RIMS2: variants seen among roughly 807,000 people sequenced by gnomAD.
RIMS2 encodes regulating synaptic membrane exocytosis 2.
RIMS2 carries 59 observed loss-of-function variants against 174.4 expected under a neutral mutation model. The observed-to-expected ratio is 0.34, with a 90% CI of 0.27 to 0.42. The LOEUF (loss-of-function observed/expected upper bound fraction) is 0.42, where lower values mean the gene tolerates loss of function less well. Ranked by LOEUF, RIMS2 falls within the 10% of genes least tolerant of loss-of-function variation. The pLI, the probability that RIMS2 is intolerant of heterozygous loss-of-function variation, is 1.00. For synonymous variants in RIMS2, 606 were observed against 572.5 expected (o/e 1.06, Z -0.84); for missense variants, 1,620 against 1,666.3 (o/e 0.97, Z 0.48).
chr8:104,215,266 T>C (rs1174394321), intron 19 of RIMS2, among the ~76,000 whole-genome samples: 2 of 152,200 alleles, frequency 1.3e-5, no homozygotes, highest in Non-Finnish European at 1.5e-5. Context: ...GAAGTCTTTA[T>C]TGCCATAAAT....
intron 4 of RIMS2, among the ~76,000 whole-genome samples, chr8:103,890,708 T>G (rs762187776): frequency 1.3e-5 from 2 of 152,046 alleles, no homozygotes; most frequent in Non-Finnish European, 2.9e-5. Flanking sequence ...TTTTTGCCTT[T>G]GGGCTATAGA....
intron 3 of RIMS2, among the ~76,000 whole-genome samples, chr8:103,873,915 C>A (rs2099123846): frequency 6.6e-6 from 1 of 151,902 alleles, no homozygotes; most frequent in African/African-American, 2.4e-5. Context: ...TCTATGTCAA[C>A]AAAGAAAAGT....
chr8:104,062,010 A>G (rs77198809), intron 19 of RIMS2, among the ~76,000 whole-genome samples: 1,757 of 152,318 alleles, frequency 0.012, 23 homozygotes, highest in Non-Finnish European at 0.02. Context: ...AAATGATCAA[A>G]AATATGATCA....
At chr8:104,241,671 CT>C in intron 19 of RIMS2, among the ~76,000 whole-genome samples, 1 of 152,164 alleles carries the variant, frequency 6.6e-6, no homozygotes, top group East Asian at 1.9e-4. Flanking sequence ...CACAAGAGCG[CT>C]GTTCACAGGA....
chr8:104,145,817 C>T (rs899788798), intron 19 of RIMS2, among the ~76,000 whole-genome samples: 10 of 151,614 alleles, frequency 6.6e-5, no homozygotes, highest in African/African-American at 2.4e-4. Flanking sequence ...AGCTAGATCG[C>T]GCCATTGCAC....
At chr8:103,685,510 T>C (rs1357360854) in intron 1 of RIMS2, among the ~76,000 whole-genome samples, 3 of 152,178 alleles carry the variant, frequency 2.0e-5, no homozygotes, top group Admixed American at 2.0e-4. Flanking sequence ...CATTTCAATA[T>C]GAGATTTAGA....
At chr8:103,961,935 C>T (rs2090247378) in intron 15 of RIMS2, among the ~76,000 whole-genome samples, 1 of 151,936 alleles carries the variant, frequency 6.6e-6, no homozygotes. Flanking sequence ...TTTCTTTGTA[C>T]TAAGGGTGAA....
intron 19 of RIMS2, among the ~76,000 whole-genome samples, chr8:104,206,602 A>G (rs117029353): frequency 0.019 from 2,926 of 152,338 alleles, 39 homozygotes; most frequent in Middle Eastern, 0.031. Context: ...AATTCTCACA[A>G]CAACCTATTG....
chr8:103,607,107 T>C (rs1221895864), intron 1 of RIMS2, among the ~76,000 whole-genome samples: 1 of 152,184 alleles, frequency 6.6e-6, no homozygotes, highest in African/African-American at 2.4e-5. Context: ...CGATGGTCTT[T>C]ACATTTTGGC....
chr8:103,887,585 G>T (rs576667755), intron 4 of RIMS2, among the ~76,000 whole-genome samples: 2 of 151,518 alleles, frequency 1.3e-5, no homozygotes, highest in Middle Eastern at 3.4e-3. Context: ...CCAGATGGAT[G>T]AGTATCATAC....
rs186272757 is a variant in RIMS2 at position 104,055,750 on chromosome 8, G to A, written c.3334+41135G>A. Among the ~76,000 whole-genome samples, 220 of 152,210 alleles carry A rather than the reference G, an allele frequency of 1.4e-3. 1 individual carries two copies. The highest frequency in any genetic ancestry group is 4.8e-3 in the African/African-American group (198 of 41,554). ...TATATAGTGAAGCATTTGCACTTTAGCCTAAAAGATCCTTCTACATAAGAG... is the reference window on the plus strand; with the variant it reads ...TATATAGTGAAGCATTTGCACTTTAACCTAAAAGATCCTTCTACATAAGAG... On this transcript the variant is annotated intron_variant, in intron 19 of 23. Coordinates refer to ENST00000504942, the Ensembl canonical transcript of RIMS2.
chr8:104,249,704 C>T, intron 22 of RIMS2, 116 bp downstream of exon 28: 4 of 629,802 alleles, frequency 6.4e-6, no homozygotes, highest in Non-Finnish European at 1.1e-5. Flanking sequence ...AATGGATGGT[C>T]CATTATGACT....
At chr8:103,793,514 C>A (rs1254640506) in intron 3 of RIMS2, among the ~76,000 whole-genome samples, 1 of 152,144 alleles carries the variant, frequency 6.6e-6, no homozygotes, top group Non-Finnish European at 1.5e-5. Flanking sequence ...CCTTTGAAAA[C>A]TGGCACAAGA....
chr8:103,712,528 G>C (rs976479679), intron 2 of RIMS2, among the ~76,000 whole-genome samples: 1 of 152,128 alleles, frequency 6.6e-6, no homozygotes, highest in African/African-American at 2.4e-5. Context: ...GTGCTCATCA[G>C]TAGTTAAGCT....
In RIMS2 at chr8:103,698,541, T is replaced by G. The variant is rs182917420; in HGVS notation, c.387+1245T>G. Among the ~76,000 whole-genome samples, 105 of 152,326 alleles carry G rather than the reference T, an allele frequency of 6.9e-4. 1 individual carries two copies. Among genetic ancestry groups the G allele is most frequent in the Non-Finnish European group, 1.1e-3 (74 of 68,030 alleles). Reference sequence around the variant, plus strand: ...TTGTTTTTTAATGTGGTGAAATACATTGGTTGATTTTTATATGTTAAATCA... The same window carrying G: ...TTGTTTTTTAATGTGGTGAAATACAGTGGTTGATTTTTATATGTTAAATCA... On this transcript the variant is annotated intron_variant, in intron 2 of 23. Coordinates refer to ENST00000504942, the Ensembl canonical transcript of RIMS2.
At chr8:103,962,681 T>C (rs1274630614) in intron 15 of RIMS2, among the ~76,000 whole-genome samples, 1 of 152,126 alleles carries the variant, frequency 6.6e-6, no homozygotes, top group East Asian at 1.9e-4. Context: ...TGGAGTGCAG[T>C]AGTGCAATCA....
intron 2 of RIMS2, among the ~76,000 whole-genome samples, chr8:103,706,665 T>C (rs866354264): frequency 6.6e-6 from 1 of 152,108 alleles, no homozygotes; most frequent in African/African-American, 2.4e-5. Flanking sequence ...GCCAGGTGTA[T>C]TGGAGTTTCT....
At chr8:103,957,518 A>C (rs888590954) in intron 14 of RIMS2, among the ~76,000 whole-genome samples, 3 of 152,224 alleles carry the variant, frequency 2.0e-5, no homozygotes, top group African/African-American at 7.2e-5. Flanking sequence ...CAGAAAATGA[A>C]ACACCGCATG....
intron 19 of RIMS2, among the ~76,000 whole-genome samples, chr8:104,090,992 G>C (rs1456373159): frequency 6.6e-6 from 1 of 151,564 alleles, no homozygotes. Context: ...GTCATCATTT[G>C]TTATCACTTG....
Sources: gnomAD v4.1 joint callset for allele counts (sites outside exome capture counted in the v4.1 genomes callset) on GRCh38, gnomAD v4.1.1 for gene constraint, MANE v1.5 for transcripts, NCBI Gene and HGNC (gene_info 2026-07-23, HGNC 2026-07-21) for gene names.